Variants in NMNAT2 observed in about 807,000 individuals in gnomAD.
The protein encoded by NMNAT2 is nicotinamide nucleotide adenylyltransferase 2, also known as nicotinamide/nicotinic acid mononucleotide adenylyltransferase 2.
In NMNAT2, 11 loss-of-function variants were observed where a neutral mutation model predicts 41.6. That is an observed-to-expected ratio of 0.26 (90% CI 0.17 to 0.44). The LOEUF (loss-of-function observed/expected upper bound fraction) is 0.44. NMNAT2 is among the 20% of genes least tolerant of loss of function. NMNAT2 has a pLI of 1.00. For missense variants in NMNAT2, 288 were observed against 407.7 expected, an observed-to-expected ratio of 0.71 and a Z score of 2.53; for synonymous variants, 148 against 151.2, an observed-to-expected ratio of 0.98 and a Z score of 0.16.
intron 1 of NMNAT2, among the ~76,000 whole-genome samples, chr1:183,349,143 G>T (rs982469209): frequency 6.6e-6 from 1 of 152,218 alleles, no homozygotes; most frequent in Non-Finnish European, 1.5e-5. Flanking sequence ...AATAGCCCTG[G>T]TGAAACCTGT....
At chr1:183,289,772 C>T (rs1291839233) in intron 4 of NMNAT2, among the ~76,000 whole-genome samples, 1 of 152,194 alleles carries the variant, frequency 6.6e-6, no homozygotes, top group African/African-American at 2.4e-5. Context: ...TGTCCAGTTT[C>T]CTCCTCCCTC....
intron 1 of NMNAT2, among the ~76,000 whole-genome samples, chr1:183,381,343 T>C (rs1357687493): frequency 6.6e-6 from 1 of 152,206 alleles, no homozygotes; most frequent in Non-Finnish European, 1.5e-5. Context: ...AGTCAGTCCC[T>C]GTAACCAGAG....
intron 1 of NMNAT2, among the ~76,000 whole-genome samples, chr1:183,313,128 A>C (rs1277692198): frequency 1.3e-5 from 2 of 150,270 alleles, no homozygotes; most frequent in African/African-American, 2.5e-5. Context: ...GCACGCATCT[A>C]TTCAATTTAA....
intron 1 of NMNAT2, among the ~76,000 whole-genome samples, chr1:183,395,458 A>G (rs1199165990): frequency 6.6e-6 from 1 of 152,060 alleles, no homozygotes; most frequent in Non-Finnish European, 1.5e-5. Flanking sequence ...AGAGAGATAA[A>G]CCTGCTTCCA....
In NMNAT2 at chr1:183,256,291, C is replaced by T. The variant is rs1167487129; in HGVS notation, c.822-3548G>A. ...GGGCATGGTAGTGTGTGCCTGTAAT[C>T]CCAGCTACTTAGGAGGCTGAGGCAG... is the stretch of plus-strand genomic sequence containing the variant. On this transcript the variant is annotated intron_variant, in intron 10 of 10. Coordinates refer to ENST00000287713, the MANE Select transcript of NMNAT2 (RefSeq NM_015039.4). Among the ~76,000 whole-genome samples the T allele has an allele frequency of 2.0e-5, 3 of 151,942 alleles. No homozygotes were observed. In the East Asian group the frequency reaches 5.8e-4, roughly 30 times the overall value.
intron 2 of NMNAT2, among the ~76,000 whole-genome samples, chr1:183,293,272 C>T (rs981804898): frequency 1.1e-4 from 17 of 152,192 alleles, no homozygotes; most frequent in African/African-American, 3.6e-4. Context: ...TGCCGGGACA[C>T]GTGGCAGGGA....
intron 1 of NMNAT2, among the ~76,000 whole-genome samples, chr1:183,402,958 AT>A: frequency 8.8e-6 from 1 of 113,550 alleles, no homozygotes; most frequent in Admixed American, 1.1e-4. Flanking sequence ...ACAACATCAT[AT>A]CTTTTTTTTT....
intron 1 of NMNAT2, among the ~76,000 whole-genome samples, chr1:183,326,334 C>G (rs1449039095): frequency 7.6e-6 from 1 of 131,576 alleles, no homozygotes; most frequent in Non-Finnish European, 1.5e-5. Context: ...TGAGATCACA[C>G]CACTGCACTC....
chr1:183,308,246 T>C (rs148713792), intron 1 of NMNAT2, among the ~76,000 whole-genome samples: 20 of 152,348 alleles, frequency 1.3e-4, no homozygotes, highest in Middle Eastern at 3.4e-3. Context: ...AGGATTCTGA[T>C]GTGAAATAAG....
At chr1:183,392,820 G>A (rs1291273411) in intron 1 of NMNAT2, among the ~76,000 whole-genome samples, 2 of 152,158 alleles carry the variant, frequency 1.3e-5, no homozygotes, top group Admixed American at 1.3e-4. Context: ...TCACCTCAAT[G>A]TGATTCCCCC....
intron 1 of NMNAT2, chr1:183,304,700 C>T: frequency 5.0e-6 from 8 of 1,614,134 alleles, no homozygotes; most frequent in Non-Finnish European, 6.8e-6. Context: ...TCCCAGAGCC[C>T]CTGGCAGGCC....
In NMNAT2 at chr1:183,394,117, A is replaced by G. The variant is rs375876989; in HGVS notation, c.85+24066T>C. The stretch of plus-strand genomic sequence containing the variant: ...TGAGCTATGTTTGAGATGCCCACTA[A>G]TAACTTATTAACATGTTACCCACAA... On this transcript the variant is annotated intron_variant, in intron 1 of 10. Transcript: ENST00000287713. 9.8e-5 allele frequency among the ~76,000 whole-genome samples: 15 copies of G among 152,368 alleles called. No individual in the cohort carries two copies. The East Asian group carries it at 2.1e-3, about 22-fold the overall frequency.
In NMNAT2 at chr1:183,389,852, G is replaced by GAGAA. The variant is rs1161687568; in HGVS notation, c.85+28327_85+28330dup. On this transcript the variant is annotated intron_variant, in intron 1 of 10. Transcript: ENST00000287713. ...AGAAAGAAAGAAAGAAAGGAAAAAA[G>GAGAA]AGAAAGAAAGAAAGAAAGAAGGGAG... 2.1e-3 allele frequency among the ~76,000 whole-genome samples: 102 copies of GAGAA among 47,552 alleles called. 22 individuals are homozygous for GAGAA. In the East Asian group the frequency reaches 0.065, roughly 30 times the overall value. 31.2% of individuals were successfully genotyped at this position (47,552 alleles called of 152,430 possible). A position where few individuals can be genotyped will look rare whatever the true frequency, so the allele number is the denominator to read the frequency against.
chr1:183,334,591 C>A (rs1356545650), intron 1 of NMNAT2, among the ~76,000 whole-genome samples: 2 of 151,412 alleles, frequency 1.3e-5, no homozygotes, highest in African/African-American at 4.9e-5. Context: ...CTCAGTGCAA[C>A]CTCCGCCTCC....
At chr1:183,380,719 T>C (rs1041749203) in intron 1 of NMNAT2, among the ~76,000 whole-genome samples, 2 of 152,050 alleles carry the variant, frequency 1.3e-5, no homozygotes, top group African/African-American at 4.8e-5. Flanking sequence ...GCAGGAAAGG[T>C]AAGTTAGAAA....
At chr1:183,330,778 G>GCAA (rs1222229007) in intron 1 of NMNAT2, among the ~76,000 whole-genome samples, 1 of 152,214 alleles carries the variant, frequency 6.6e-6, no homozygotes, top group Non-Finnish European at 1.5e-5. Flanking sequence ...AATTCAAGCA[G>GCAA]AATCAGCGAG....
At chr1:183,413,218 A>G (rs1649165570) in intron 1 of NMNAT2, among the ~76,000 whole-genome samples, 1 of 152,228 alleles carries the variant, frequency 6.6e-6, no homozygotes, top group Non-Finnish European at 1.5e-5. Context: ...TTTACAAATC[A>G]TGGAGACACT....
At position 183,284,045 on chromosome 1, in the gene NMNAT2, G is replaced by C. The variant is rs1661338090; in HGVS notation, c.530-6C>G. On this transcript the variant is annotated splice_polypyrimidine_tract_variant and splice_region_variant and intron_variant, in intron 6 of 10. Transcript: ENST00000287713. ...GCCCAGATTGGCATTCTCATCTAAGGAGGAAAGAAGGAAGGTAGGGCATTA... is the reference window on the plus strand; with the variant it reads ...GCCCAGATTGGCATTCTCATCTAAGCAGGAAAGAAGGAAGGTAGGGCATTA... The C allele has an allele frequency of 1.2e-6, 2 of 1,611,550 alleles. No homozygotes were observed. Among genetic ancestry groups the C allele is most frequent in the Non-Finnish European group, 1.7e-6 (2 of 1,178,528 alleles).
At chr1:183,403,053 C>A (rs568819458) in intron 1 of NMNAT2, among the ~76,000 whole-genome samples, 9 of 151,978 alleles carry the variant, frequency 5.9e-5, no homozygotes, top group Non-Finnish European at 1.2e-4. Context: ...CCTGCCTCAG[C>A]CTCCTGAATA....
Sources: allele counts gnomAD v4.1 joint callset (sites outside exome capture counted in the v4.1 genomes callset), GRCh38; gene constraint gnomAD v4.1.1; transcripts MANE v1.5; gene names NCBI Gene and HGNC (gene_info 2026-07-23, HGNC 2026-07-21).